Variants in RIPK4 observed in about 807,000 individuals in gnomAD.
The protein encoded by RIPK4 is receptor-interacting serine/threonine-protein kinase 4.
In RIPK4, 17 loss-of-function variants were observed where a neutral mutation model predicts 42.9. That is an observed-to-expected ratio of 0.40 (90% CI 0.27 to 0.59). The LOEUF (loss-of-function observed/expected upper bound fraction) is 0.59. RIPK4 is among the 20% of genes least tolerant of loss of function. RIPK4 has a pLI of 0.47. For missense variants in RIPK4, 897 were observed against 1,104.4 expected (o/e 0.81, Z 2.66); for synonymous variants, 498 against 499.1 (o/e 1.00, Z 0.03).
chr21:41,751,262 A>G lies in RIPK4; in HGVS notation c.475-17T>C. On this transcript the variant is annotated splice_polypyrimidine_tract_variant and intron_variant, in intron 2 of 7. Transcript: ENST00000332512. This position sits in a 1 kb window ranked among gnomAD's most constrained non-coding sequence, Gnocchi z 4.5. Reference sequence around the variant, plus strand: ...ATCAGAAATCTGCAACACAGCCATCAGAGCGGGGCTCATTAGCCTGCAACA... The same window carrying G: ...ATCAGAAATCTGCAACACAGCCATCGGAGCGGGGCTCATTAGCCTGCAACA... The G allele has an allele frequency of 6.2e-7, 1 of 1,613,364 alleles. No individual in the cohort carries two copies. The highest frequency in any genetic ancestry group is 1.1e-5 in the South Asian group (1 of 90,996).
chr21:41,748,080 G>A (rs945063823), intron 4 of RIPK4, among the ~76,000 whole-genome samples: 1 of 152,248 alleles, frequency 6.6e-6, no homozygotes, highest in Admixed American at 6.5e-5. Flanking sequence ...GTAGGCCACT[G>A]TGCGGGAGAA....
rs201106901 is a variant in RIPK4 at position 41,756,605 on chromosome 21, G to A, written c.394C>T (p.Leu132=). The A allele has an allele frequency of 4.1e-5, 66 of 1,613,750 alleles. No individual in the cohort carries two copies. The African/African-American group carries it at 8.4e-4, about 21-fold the overall frequency. The change falls in exon 2 of 8, where the codon CTG becomes TTG. Residue 132 remains leucine, a synonymous_variant. Coordinates refer to ENST00000332512, the MANE Select transcript of RIPK4 (RefSeq NM_020639.3). The part of the protein sequence containing the change: ...IHETAVGMNF[L]HCMAPPLLHL... ...AGGAGTGGCGGGGCCATGCAGTGCAGGAAGTTCATGCCCACCGCCGTCTCG... is the reference window on the plus strand; with the variant it reads ...AGGAGTGGCGGGGCCATGCAGTGCAAGAAGTTCATGCCCACCGCCGTCTCG...
chr21:41,741,954 G>C lies in RIPK4; in HGVS notation c.1239C>G (p.Ala413=), dbSNP rs1440947050. 1.2e-6 allele frequency: 2 copies of C among 1,607,924 alleles called. No homozygotes were observed. The highest frequency in any genetic ancestry group is 1.7e-6 in the Non-Finnish European group (2 of 1,176,050). The change falls in exon 8 of 8, where the codon GCC becomes GCG. Residue 413 remains alanine, a synonymous_variant. Coordinates refer to ENST00000332512, the MANE Select transcript of RIPK4 (RefSeq NM_020639.3). ...GTTTGCTGGTGTCCCCGGACACGAT[G>C]GCATCCACAAGCTTCTTCTTCTGGA... ...TDVQKKKLVD[A]IVSGDTSKLM... is the part of the protein sequence containing the mutation.
At position 41,755,455 on chromosome 21, in the gene RIPK4, C is replaced by G. The variant is rs112353108; in HGVS notation, c.474+1070G>C. The stretch of plus-strand genomic sequence containing the variant: ...AGGGAGCGGCCGTGCGCATGCCATA[C>G]GAGCCACCGCTCCCGTCCCACCCAA... On this transcript the variant is annotated intron_variant, in intron 2 of 7. Coordinates refer to ENST00000332512, the MANE Select transcript of RIPK4 (RefSeq NM_020639.3). This position sits in a 1 kb window ranked among gnomAD's most constrained non-coding sequence, Gnocchi z 4.2. Among the ~76,000 whole-genome samples the G allele has an allele frequency of 6.6e-6, 1 of 152,186 alleles. No individual in the cohort carries two copies. The highest frequency in any genetic ancestry group is 1.5e-5 in the Non-Finnish European group (1 of 68,028).
chr21:41,740,792 C>G lies in RIPK4; in HGVS notation c.*46G>C, dbSNP rs2061150108. 2.0e-6 allele frequency: 3 copies of G among 1,534,794 alleles called. No individual in the cohort carries two copies. Among genetic ancestry groups the G allele is most frequent in the African/African-American group, 2.7e-5 (2 of 73,316 alleles). ...TTCCATCCCCACGAGGAACACAGGA[C>G]AGGACAAGAGCCCCACGTGGACCCC... On this transcript the variant is annotated 3_prime_UTR_variant, in exon 8 of 8. Transcript: ENST00000332512.
Position 41,741,937 on chromosome 21 carries a change from G to A in RIPK4, c.1256C>T (p.Thr419Ile). The A allele has an allele frequency of 1.2e-6, 2 of 1,612,192 alleles. No homozygotes were observed. Among genetic ancestry groups the A allele is most frequent in the Non-Finnish European group, 1.7e-6 (2 of 1,179,002 alleles). ...KLVDAIVSGD[T>I]SKLMKILQPQ... ...CTGCAGGATCTTCATCAGTTTGCTGGTGTCCCCGGACACGATGGCATCCAC... is the reference window on the plus strand; with the variant it reads ...CTGCAGGATCTTCATCAGTTTGCTGATGTCCCCGGACACGATGGCATCCAC... The change falls in exon 8 of 8, where the codon ACC becomes ATC. Residue 419 changes from threonine to isoleucine, a missense_variant. Transcript: ENST00000332512.
At chr21:41,762,167 A>G (rs1429682546) in intron 1 of RIPK4, among the ~76,000 whole-genome samples, 1 of 152,152 alleles carries the variant, frequency 6.6e-6, no homozygotes, top group Non-Finnish European at 1.5e-5. Context: ...CACTTTCTCG[A>G]GGAAAATCAG....
chr21:41,765,893 T>C (rs1030643070), intron 1 of RIPK4, among the ~76,000 whole-genome samples: 1 of 152,112 alleles, frequency 6.6e-6, no homozygotes, highest in Non-Finnish European at 1.5e-5. Flanking sequence ...AACAAAGAGG[T>C]ACTGTTCAAG....
intron 3 of RIPK4, among the ~76,000 whole-genome samples, chr21:41,749,889 T>TAAAAAAAA (rs776305508): frequency 2.0e-5 from 2 of 99,394 alleles, no homozygotes; most frequent in African/African-American, 3.6e-5. Flanking sequence ...CCAAATTGAT[T>TAAAAAAAA]AAAAAAAAAA....
intron 1 of RIPK4, among the ~76,000 whole-genome samples, chr21:41,762,979 C>T (rs573956406): frequency 1.4e-4 from 22 of 152,306 alleles, no homozygotes; most frequent in African/African-American, 2.4e-4. Flanking sequence ...AACCTAAAAA[C>T]TGTGCCTTGC....
rs184091854 is a variant in RIPK4 at position 41,754,123 on chromosome 21, T to G, written c.474+2402A>C. 2.6e-5 allele frequency among the ~76,000 whole-genome samples: 4 copies of G among 152,232 alleles called. No individual in the cohort carries two copies. The East Asian group carries it at 7.7e-4, about 29-fold the overall frequency. ...CTGGAATGGCAACTTAGGATCTAAT[T>G]GCAGGATTCTGGATTACAGTTTTCC... On this transcript the variant is annotated intron_variant, in intron 2 of 7. Coordinates refer to ENST00000332512, the MANE Select transcript of RIPK4 (RefSeq NM_020639.3).
intron 1 of RIPK4, among the ~76,000 whole-genome samples, chr21:41,764,455 G>A (rs540091649): frequency 4.9e-4 from 75 of 152,208 alleles, no homozygotes; most frequent in African/African-American, 1.6e-3. Flanking sequence ...GGGGTGAGAG[G>A]GGCTGTCCCT....
intron 1 of RIPK4, among the ~76,000 whole-genome samples, chr21:41,764,800 A>G (rs1022926477): frequency 2.6e-5 from 4 of 152,318 alleles, no homozygotes; most frequent in Non-Finnish European, 5.9e-5. Flanking sequence ...GGTTTGACCA[A>G]CTTCTCAGAA....
intron 2 of RIPK4, among the ~76,000 whole-genome samples, chr21:41,752,325 T>C (rs1356267637): frequency 6.6e-6 from 1 of 152,202 alleles, no homozygotes; most frequent in Non-Finnish European, 1.5e-5. Flanking sequence ...GGGCTGGCCA[T>C]GCCCATGTGG....
In RIPK4 at chr21:41,746,113, A is replaced by T. The variant is rs759136056; in HGVS notation, c.833-251T>A. 3.2e-5 allele frequency: 22 copies of T among 693,412 alleles called. 1 individual carries two copies. The highest frequency in any genetic ancestry group is 2.7e-6 in the Non-Finnish European group (1 of 377,076). The allele number at this position is 693,412 out of a possible 1,614,324, so 43.0% of individuals were successfully genotyped here. A position where few individuals can be genotyped will look rare whatever the true frequency, so the allele number is the denominator to read the frequency against. ...CTTCCCCGGGGGAGCGCCACCTGCC[A>T]GTCACAGGGAGCAGAGCTGCCAGCA... On this transcript the variant is annotated intron_variant, in intron 5 of 7. Transcript: ENST00000332512.
chr21:41,749,534 C>T (rs576318386), intron 3 of RIPK4, among the ~76,000 whole-genome samples: 33 of 152,298 alleles, frequency 2.2e-4, no homozygotes, highest in African/African-American at 6.5e-4. Flanking sequence ...GATATCTTCT[C>T]GCAAGCACCA....
At chr21:41,745,535 C>T (rs538493298) in intron 6 of RIPK4, among the ~76,000 whole-genome samples, 25 of 152,286 alleles carry the variant, frequency 1.6e-4, no homozygotes, top group Non-Finnish European at 2.4e-4. Flanking sequence ...GAAGCCCTTC[C>T]GCCACTCACG....
In RIPK4 at chr21:41,745,721, C is replaced by G. The variant is rs200625686; in HGVS notation, c.936+38G>C. ...GGTTTGGAAACTCCTGCCTGGAAGC[C>G]GAGGAGACAAAAGACCCCTGTGGGA... On this transcript the variant is annotated intron_variant, in intron 6 of 7. Transcript: ENST00000332512. 4.6e-6 allele frequency: 7 copies of G among 1,505,380 alleles called. No individual in the cohort carries two copies. In the Admixed American group the frequency reaches 1.0e-4, roughly 22 times the overall value. The allele number at this position is 1,505,380 out of a possible 1,614,324, so 93.3% of individuals were successfully genotyped here. A position where few individuals can be genotyped will look rare whatever the true frequency, so the allele number is the denominator to read the frequency against.
In RIPK4 at chr21:41,755,567, C is replaced by T. The variant is rs2061200913; in HGVS notation, c.474+958G>A. Among the ~76,000 whole-genome samples, 1 of 152,142 alleles carries T rather than the reference C, an allele frequency of 6.6e-6. No individual in the cohort carries two copies. The highest frequency in any genetic ancestry group is 2.1e-4 in the South Asian group (1 of 4,828). On this transcript the variant is annotated intron_variant, in intron 2 of 7. Transcript: ENST00000332512. The surrounding 1 kb of genome is among the most constrained non-coding windows in gnomAD (Gnocchi z 4.2). ...AGAGAGGCCTGGAAGTGCTGTGCCA[C>T]CAGGAACAGTAGCACAGCCAAGCCA...
Sources: gnomAD v4.1 joint callset for allele counts (sites outside exome capture counted in the v4.1 genomes callset) on GRCh38, gnomAD v4.1.1 for gene constraint, Gnocchi (gnomAD v3.1) non-coding constraint, MANE v1.5 for transcripts, NCBI Gene and HGNC (gene_info 2026-07-23, HGNC 2026-07-21) for gene names.